The following SYNPR variants were observed in gnomAD, a reference collection of about 807,000 sequenced individuals.
SYNPR encodes synaptoporin.
In SYNPR, 23 loss-of-function variants were observed where a neutral mutation model predicts 32.9. The observed-to-expected ratio is 0.70, with a 90% CI of 0.50 to 0.99. The LOEUF is 0.99. Ranked by LOEUF, SYNPR falls within the 50% of genes least tolerant of loss-of-function variation. The probability of loss-of-function intolerance (pLI) is 0.00; values close to 1 mark genes in which losing one functional copy is unlikely to be tolerated. For synonymous variants in SYNPR, 146 were observed against 135.9 expected (o/e 1.07, Z -0.52); for missense variants, 318 against 349.3 (o/e 0.91, Z 0.71).
chr3:63,563,540 TC>T (rs1212102234), intron 4 of SYNPR, among the ~76,000 whole-genome samples: 2 of 152,074 alleles, frequency 1.3e-5, no homozygotes, highest in Non-Finnish European at 2.9e-5. Context: ...TCTCTCCCTC[TC>T]CCCAATTCCC....
intron 2 of SYNPR, among the ~76,000 whole-genome samples, chr3:63,408,045 C>A (rs2088385010): frequency 6.6e-6 from 1 of 151,146 alleles, no homozygotes; most frequent in Admixed American, 6.6e-5. Flanking sequence ...CAGTGGTTTC[C>A]CTAATGGCAG....
At chr3:63,586,954 A>G (rs1703195538) in intron 4 of SYNPR, among the ~76,000 whole-genome samples, 2 of 151,982 alleles carry the variant, frequency 1.3e-5, no homozygotes. Flanking sequence ...AAATATTCAC[A>G]CATGCGAAGA....
chr3:63,599,628 A>T (rs1365830065), intron 4 of SYNPR, among the ~76,000 whole-genome samples: 1 of 152,116 alleles, frequency 6.6e-6, no homozygotes. Context: ...TTTTTTCAGA[A>T]CGTATCCCTG....
intron 2 of SYNPR, among the ~76,000 whole-genome samples, chr3:63,432,936 T>C (rs1254814345): frequency 6.6e-6 from 1 of 152,182 alleles, no homozygotes; most frequent in Non-Finnish European, 1.5e-5. Flanking sequence ...TCCAGATTTC[T>C]AAGTACTCTA....
chr3:63,353,882 A>G (rs1274592145), intron 2 of SYNPR, among the ~76,000 whole-genome samples: 1 of 152,144 alleles, frequency 6.6e-6, no homozygotes, highest in Non-Finnish European at 1.5e-5. Flanking sequence ...ATTTATTTGC[A>G]CTTCAAGCTT....
In SYNPR at chr3:63,494,422, T is replaced by TATATATACAC. The variant is rs1185769463; in HGVS notation, c.209+13473_209+13474insCACATATATA. On this transcript the variant is annotated intron_variant, in intron 3 of 5. Transcript: ENST00000478300. Reference sequence around the variant, plus strand: ...ATATATATATATATATATATACGTATATATATATATACGTATATATATATA... The same window carrying TATATATACAC: ...ATATATATATATATATATATACGTATATATATACACATATATATATACGTATATATATATA... Among the ~76,000 whole-genome samples the TATATATACAC allele has an allele frequency of 2.2e-3, 87 of 40,268 alleles. 1 individual carries two copies. The highest frequency in any genetic ancestry group is 0.011 in the South Asian group (12 of 1,096). The allele number at this position is 40,268 out of a possible 152,430, so 26.4% of individuals were successfully genotyped here.
At chr3:63,438,027 T>G (rs1024233922) in intron 2 of SYNPR, among the ~76,000 whole-genome samples, 2 of 152,160 alleles carry the variant, frequency 1.3e-5, no homozygotes, top group African/African-American at 4.8e-5. Context: ...ATATATTCTG[T>G]CTCCAAATAA....
intron 2 of SYNPR, among the ~76,000 whole-genome samples, chr3:63,291,513 G>A (rs1397334888): frequency 6.6e-6 from 1 of 152,148 alleles, no homozygotes; most frequent in East Asian, 1.9e-4. Flanking sequence ...TACAGCTGGA[G>A]GTTTGTGAGG....
At chr3:63,366,377 A>G (rs1483144588) in intron 2 of SYNPR, among the ~76,000 whole-genome samples, 1 of 152,188 alleles carries the variant, frequency 6.6e-6, no homozygotes, top group Non-Finnish European at 1.5e-5. Context: ...CTAGAATTAA[A>G]TAATTTCACT....
intron 2 of SYNPR, among the ~76,000 whole-genome samples, chr3:63,356,243 G>T (rs1194469799): frequency 6.6e-6 from 1 of 152,216 alleles, no homozygotes; most frequent in Admixed American, 6.5e-5. Context: ...CCTGGGGTGA[G>T]GAAGCTTGAT....
intron 5 of SYNPR, among the ~76,000 whole-genome samples, chr3:63,613,610 CAAAAAAAAAAAAAAAAAAA>C (rs10566584): frequency 4.3e-5 from 2 of 46,028 alleles, no homozygotes; most frequent in African/African-American, 1.7e-4. Context: ...TATGCTGCAG[CAAAAAAAAAAAAAAAAAAA>C]AAAAAAAAAA....
chr3:63,521,457 C>A lies in SYNPR; in HGVS notation c.210-35086C>A, dbSNP rs189366829. ...TGAGTACCAGGCACTGTTCTAAGCA[C>A]TTTTACAAATATTAAGTCAGGGAGC... On this transcript the variant is annotated intron_variant, in intron 3 of 5. Transcript: ENST00000478300. Among the ~76,000 whole-genome samples, 6 of 152,298 alleles carry A rather than the reference C, an allele frequency of 3.9e-5. No individual in the cohort carries two copies. The East Asian group carries it at 9.7e-4, about 25-fold the overall frequency.
intron 2 of SYNPR, among the ~76,000 whole-genome samples, chr3:63,424,563 TG>T (rs1280904171): frequency 6.6e-6 from 1 of 152,228 alleles, no homozygotes; most frequent in Admixed American, 6.5e-5. Flanking sequence ...TTGTAGTTAT[TG>T]TATTATTATA....
intron 4 of SYNPR, among the ~76,000 whole-genome samples, chr3:63,564,914 G>A (rs573163519): frequency 1.3e-5 from 2 of 152,172 alleles, no homozygotes; most frequent in Non-Finnish European, 2.9e-5. Flanking sequence ...AGAGCCCACA[G>A]CTTTTCTTGT....
At chr3:63,415,650 C>G (rs1294530908) in intron 2 of SYNPR, among the ~76,000 whole-genome samples, 2 of 152,184 alleles carry the variant, frequency 1.3e-5, no homozygotes, top group East Asian at 3.8e-4. Context: ...TCAAGAAAAA[C>G]AGCTGGTGGG....
At chr3:63,371,478 G>A (rs908744559) in intron 2 of SYNPR, among the ~76,000 whole-genome samples, 1 of 152,228 alleles carries the variant, frequency 6.6e-6, no homozygotes. Context: ...CACTGGCCTG[G>A]GACTCCAGCC....
intron 3 of SYNPR, among the ~76,000 whole-genome samples, chr3:63,272,871 G>A (rs73117522): frequency 0.047 from 7,161 of 152,112 alleles, 233 homozygotes; most frequent in Middle Eastern, 0.1. Flanking sequence ...GGCTTTTTGT[G>A]TGGCAAGCAG....
chr3:63,398,592 C>T (rs1027073575), intron 2 of SYNPR, among the ~76,000 whole-genome samples: 2 of 151,676 alleles, frequency 1.3e-5, no homozygotes, highest in African/African-American at 2.4e-5. Flanking sequence ...GTGGTGGGCA[C>T]CTGTACTCCC....
At chr3:63,547,504 G>A (rs1702428770) in intron 3 of SYNPR, among the ~76,000 whole-genome samples, 1 of 152,110 alleles carries the variant, frequency 6.6e-6, no homozygotes, top group Non-Finnish European at 1.5e-5. Context: ...TGGCATAAAG[G>A]AGAATCTTAT....
Sources: gnomAD v4.1 joint callset for allele counts (sites outside exome capture counted in the v4.1 genomes callset) on GRCh38, gnomAD v4.1.1 for gene constraint, MANE v1.5 for transcripts, NCBI Gene and HGNC (gene_info 2026-07-23, HGNC 2026-07-21) for gene names.